The following ADGRL3 variants were observed in gnomAD, a reference collection of about 807,000 sequenced individuals.
ADGRL3 encodes adhesion G protein-coupled receptor L3.
A neutral mutation model predicts 153.5 loss-of-function variants in ADGRL3; 62 were observed. The ratio of observed to expected loss-of-function variants is 0.40; its 90% CI spans 0.33 to 0.50. The LOEUF is 0.50. Among genes scored for constraint, ADGRL3 ranks in the 20% least tolerant of loss-of-function variants. The probability of loss-of-function intolerance (pLI) is 0.47; values close to 1 mark genes in which losing one functional copy is unlikely to be tolerated. For missense variants in ADGRL3, 1,641 were observed against 1,859.4 expected (o/e 0.88, Z 2.16); for synonymous variants, 710 against 672.5 (o/e 1.06, Z -0.86).
chr4:61,431,297 G>T (rs1326538772), intron 2 of ADGRL3, among the ~76,000 whole-genome samples: 1 of 152,188 alleles, frequency 6.6e-6, no homozygotes, highest in East Asian at 1.9e-4. Flanking sequence ...ACCAAGAGGT[G>T]TCAGGGCCAT....
chr4:61,213,870 A>G (rs532774662), intron 1 of ADGRL3, among the ~76,000 whole-genome samples: 23 of 152,202 alleles, frequency 1.5e-4, no homozygotes, highest in African/African-American at 4.3e-4. Flanking sequence ...TTTCTCTAGT[A>G]CAGATTCCTT....
chr4:61,302,499 C>G (rs2094611352), intron 1 of ADGRL3, among the ~76,000 whole-genome samples: 1 of 151,786 alleles, frequency 6.6e-6, no homozygotes, highest in Admixed American at 6.6e-5. Context: ...TTACTTTAAT[C>G]TTTCATTTTC....
At chr4:61,690,431 T>C (rs996104581) in intron 6 of ADGRL3, among the ~76,000 whole-genome samples, 37 of 151,320 alleles carry the variant, frequency 2.4e-4, no homozygotes, top group African/African-American at 9.0e-4. Flanking sequence ...CAAGACCCTG[T>C]CTCATTTTTT....
At chr4:61,443,352 T>C (rs1328690246) in intron 2 of ADGRL3, among the ~76,000 whole-genome samples, 3 of 152,212 alleles carry the variant, frequency 2.0e-5, no homozygotes, top group African/African-American at 4.8e-5. Flanking sequence ...AAGTAATTTT[T>C]ATCTTTTAAA....
At chr4:61,823,290 T>TTA (rs2097772036) in intron 9 of ADGRL3, among the ~76,000 whole-genome samples, 1 of 152,198 alleles carries the variant, frequency 6.6e-6, no homozygotes, top group African/African-American at 2.4e-5. Context: ...TGTCTAAATA[T>TTA]CACAAGTTTT....
intron 11 of ADGRL3, among the ~76,000 whole-genome samples, chr4:61,903,650 C>CAAAAAAAAAAAAAAAAAAAAAAAAAAAA (rs55879235): frequency 1.4e-5 from 1 of 72,342 alleles, no homozygotes; most frequent in African/African-American, 6.5e-5. Flanking sequence ...TGGGAAACAG[C>CAAAAAAAAAAAAAAAAAAAAAAAAAAAA]AAAAAAAAAA....
intron 1 of ADGRL3, among the ~76,000 whole-genome samples, chr4:61,309,394 G>A (rs2094917098): frequency 6.6e-6 from 1 of 152,012 alleles, no homozygotes; most frequent in Non-Finnish European, 1.5e-5. Flanking sequence ...GTAACCCCTG[G>A]AGTATGTTAC....
intron 1 of ADGRL3, among the ~76,000 whole-genome samples, chr4:61,316,663 A>G (rs1417994013): frequency 1.3e-5 from 2 of 152,182 alleles, no homozygotes; most frequent in African/African-American, 4.8e-5. Context: ...AGCCTGCTGC[A>G]GTTTTCCAGG....
chr4:61,788,228 A>G (rs527778484), intron 8 of ADGRL3, among the ~76,000 whole-genome samples: 1 of 152,308 alleles, frequency 6.6e-6, no homozygotes, highest in South Asian at 2.1e-4. Context: ...TGCAAGCACA[A>G]CCAGCATTAG....
chr4:61,493,361 AT>A (rs1417902241), intron 2 of ADGRL3, among the ~76,000 whole-genome samples: 1 of 152,178 alleles, frequency 6.6e-6, no homozygotes, highest in East Asian at 1.9e-4. Flanking sequence ...CAAATGTCAA[AT>A]GTCCGAGTAG....
At chr4:61,396,352 T>A (rs59900803) in intron 2 of ADGRL3, among the ~76,000 whole-genome samples, 10,140 of 151,942 alleles carry the variant, frequency 0.067, 457 homozygotes, top group East Asian at 0.2. Context: ...AAGTTTTTAA[T>A]TTTAAAAAAG....
Position 61,595,731 on chromosome 4 carries a change from A to G in ADGRL3, c.473+8291A>G, listed in dbSNP as rs529049033. ...GCTCTAAGCCTAGCCTAGCACTAGG[A>G]ATTGCAGTCCTTGTGTCCCAAATCT... is the stretch of plus-strand genomic sequence containing the variant. On this transcript the variant is annotated intron_variant, in intron 5 of 26. Transcript: ENST00000683033. Among the ~76,000 whole-genome samples, 5 of 152,198 alleles carry G rather than the reference A, an allele frequency of 3.3e-5. No homozygotes were observed. In the East Asian group the frequency reaches 9.7e-4, roughly 29 times the overall value.
chr4:61,283,953 T>C (rs777458594), intron 1 of ADGRL3, among the ~76,000 whole-genome samples: 21 of 152,078 alleles, frequency 1.4e-4, no homozygotes, highest in Middle Eastern at 3.4e-3. Context: ...TCCCCCTCAA[T>C]TTAATTGTAT....
chr4:61,293,239 C>CA (rs1416135441), intron 1 of ADGRL3, among the ~76,000 whole-genome samples: 1 of 152,106 alleles, frequency 6.6e-6, no homozygotes, highest in Non-Finnish European at 1.5e-5. Flanking sequence ...AGCGCAGACA[C>CA]AGAGAGTGGA....
chr4:61,482,964 T>C (rs2098147313), intron 2 of ADGRL3, among the ~76,000 whole-genome samples: 1 of 152,212 alleles, frequency 6.6e-6, no homozygotes, highest in Non-Finnish European at 1.5e-5. Flanking sequence ...TGTATAATAC[T>C]ATCTGACTCA....
intron 9 of ADGRL3, among the ~76,000 whole-genome samples, chr4:61,837,604 G>C (rs563836522): frequency 6.6e-6 from 1 of 152,180 alleles, no homozygotes; most frequent in South Asian, 2.1e-4. Context: ...CTACCCACTA[G>C]GAGTAGTCTC....
chr4:61,372,971 G>A (rs953138115), intron 1 of ADGRL3, among the ~76,000 whole-genome samples: 2 of 152,212 alleles, frequency 1.3e-5, no homozygotes, highest in Admixed American at 1.3e-4. Flanking sequence ...GCAGTATTCG[G>A]GTGGGAGTGA....
chr4:62,005,202 C>A (rs2099153417), intron 21 of ADGRL3, among the ~76,000 whole-genome samples: 1 of 152,132 alleles, frequency 6.6e-6, no homozygotes. Flanking sequence ...TATTGTCCAT[C>A]TCATTGTATC....
At chr4:61,315,106 A>C (rs957896765) in intron 1 of ADGRL3, among the ~76,000 whole-genome samples, 1 of 152,190 alleles carries the variant, frequency 6.6e-6, no homozygotes, top group African/African-American at 2.4e-5. Context: ...GAAGAATAAG[A>C]GATAGTGAAA....
Sources: gnomAD v4.1 joint callset for allele counts (sites outside exome capture counted in the v4.1 genomes callset) on GRCh38, gnomAD v4.1.1 for gene constraint, MANE v1.5 for transcripts, NCBI Gene and HGNC (gene_info 2026-07-23, HGNC 2026-07-21) for gene names.